TMTC1: variants seen among roughly 807,000 people sequenced by gnomAD.
TMTC1 encodes transmembrane O-mannosyltransferase targeting cadherins 1.
TMTC1 carries 73 observed loss-of-function variants against 104.8 expected under a neutral mutation model. The observed-to-expected ratio is 0.70, with a 90% confidence interval of 0.58 to 0.85. TMTC1 has a LOEUF of 0.85. TMTC1 is among the 40% of genes least tolerant of loss of function. The pLI is 0.00. For synonymous variants in TMTC1, 434 were observed against 428.7 expected, an observed-to-expected ratio of 1.01 and a Z score of -0.15; for missense variants, 1,035 against 1,096.1, an observed-to-expected ratio of 0.94 and a Z score of 0.79.
At chr12:29,772,225 T>C (rs913729589) in intron 1 of TMTC1, among the ~76,000 whole-genome samples, 1 of 152,158 alleles carries the variant, frequency 6.6e-6, no homozygotes, top group Non-Finnish European at 1.5e-5. Context: ...ACCTGACAAC[T>C]CTGGGCCTAC....
chr12:29,725,962 A>G (rs1942377799), intron 5 of TMTC1, among the ~76,000 whole-genome samples: 1 of 152,232 alleles, frequency 6.6e-6, no homozygotes, highest in Non-Finnish European at 1.5e-5. Flanking sequence ...TGCTGGAAGG[A>G]GAAGAATTCC....
intron 6 of TMTC1, among the ~76,000 whole-genome samples, chr12:29,606,203 T>A (rs1486443957): frequency 6.6e-6 from 1 of 152,192 alleles, no homozygotes; most frequent in Non-Finnish European, 1.5e-5. Context: ...GGTAGAATGA[T>A]TTTCCTTTGG....
chr12:29,564,609 G>A (rs187735117), intron 9 of TMTC1, among the ~76,000 whole-genome samples: 73 of 152,308 alleles, frequency 4.8e-4, no homozygotes, highest in Non-Finnish European at 6.5e-4. Context: ...GGTGACTTGG[G>A]GAGAGCAGTT....
At chr12:29,574,722 C>G (rs193084853) in intron 8 of TMTC1, among the ~76,000 whole-genome samples, 1 of 152,222 alleles carries the variant, frequency 6.6e-6, no homozygotes, top group Non-Finnish European at 1.5e-5. Context: ...ACGGGCACCA[C>G]CCCTACTGGA....
chr12:29,667,467 C>T (rs2033028), intron 5 of TMTC1, among the ~76,000 whole-genome samples: 84,633 of 151,984 alleles, frequency 0.56, 23,780 homozygotes, highest in African/African-American at 0.64. Context: ...ATATATTAAA[C>T]GGTGAAAATG....
intron 11 of TMTC1, among the ~76,000 whole-genome samples, chr12:29,530,860 T>A (rs1425681393): frequency 6.6e-6 from 1 of 152,176 alleles, no homozygotes; most frequent in Non-Finnish European, 1.5e-5. Context: ...CCTTAGAGGG[T>A]CTATTCCTTC....
intron 5 of TMTC1, among the ~76,000 whole-genome samples, chr12:29,750,943 C>T (rs1013556535): frequency 6.6e-6 from 1 of 152,236 alleles, no homozygotes; most frequent in Non-Finnish European, 1.5e-5. Flanking sequence ...TAAAAGCTTC[C>T]CCACACCCTG....
chr12:29,517,389 C>T (rs904547054), intron 14 of TMTC1, 38 bp downstream of exon 14: 21 of 1,612,428 alleles, frequency 1.3e-5, no homozygotes, highest in Middle Eastern at 1.7e-4. Context: ...GCTGCCTGTG[C>T]TTAGGTTGCC....
At chr12:29,623,737 C>T (rs927809361) in intron 6 of TMTC1, among the ~76,000 whole-genome samples, 12 of 151,988 alleles carry the variant, frequency 7.9e-5, no homozygotes, top group Admixed American at 3.3e-4. Context: ...CGCTTGAACC[C>T]GGGAGACGGA....
chr12:29,524,736 T>C (rs949868502), intron 11 of TMTC1, among the ~76,000 whole-genome samples: 16 of 152,224 alleles, frequency 1.1e-4, no homozygotes, highest in Admixed American at 5.9e-4. Context: ...TGACTGATTA[T>C]GGAAGAATAA....
intron 6 of TMTC1, among the ~76,000 whole-genome samples, chr12:29,616,669 CAAAAA>C (rs71045821): frequency 1.3e-5 from 1 of 79,814 alleles, no homozygotes; most frequent in Non-Finnish European, 2.4e-5. Flanking sequence ...AACTTGGTCT[CAAAAA>C]AAAAAAAAAA....
chr12:29,625,711 G>A (rs1274928018), intron 6 of TMTC1, among the ~76,000 whole-genome samples: 1 of 152,206 alleles, frequency 6.6e-6, no homozygotes, highest in African/African-American at 2.4e-5. Flanking sequence ...ACACTCTGGG[G>A]AGGGCCAAGA....
At chr12:29,559,416 C>G (rs1349693371) in intron 9 of TMTC1, among the ~76,000 whole-genome samples, 2 of 152,236 alleles carry the variant, frequency 1.3e-5, no homozygotes, top group Non-Finnish European at 2.9e-5. Flanking sequence ...TCAAAGGTCA[C>G]TGACTACAGA....
At chr12:29,561,186 A>C (rs1033527937) in intron 9 of TMTC1, among the ~76,000 whole-genome samples, 32 of 146,412 alleles carry the variant, frequency 2.2e-4, no homozygotes, top group African/African-American at 8.6e-4. Flanking sequence ...CCATCTTTTA[A>C]AGAAAAAAAA....
chr12:29,639,514 T>C (rs1031650949), intron 5 of TMTC1, among the ~76,000 whole-genome samples: 5 of 152,328 alleles, frequency 3.3e-5, no homozygotes, highest in African/African-American at 1.2e-4. Flanking sequence ...GATGAGCAAT[T>C]AGAACTTTGA....
At chr12:29,600,259 G>A (rs1175152793) in intron 7 of TMTC1, among the ~76,000 whole-genome samples, 1 of 152,006 alleles carries the variant, frequency 6.6e-6, no homozygotes, top group Non-Finnish European at 1.5e-5. Context: ...CGTGGCTCTG[G>A]GGAAGATTTC....
intron 7 of TMTC1, among the ~76,000 whole-genome samples, chr12:29,590,726 A>C (rs1271692235): frequency 6.6e-6 from 1 of 152,202 alleles, no homozygotes; most frequent in Non-Finnish European, 1.5e-5. Context: ...CAGAGGTTAC[A>C]GTGAGCTGAG....
At chr12:29,508,359 C>G (rs1277616568) in intron 17 of TMTC1, among the ~76,000 whole-genome samples, 3 of 152,110 alleles carry the variant, frequency 2.0e-5, no homozygotes, top group African/African-American at 7.2e-5. Context: ...TTTTATTAGC[C>G]TTAGCACTTA....
intron 6 of TMTC1, among the ~76,000 whole-genome samples, chr12:29,605,316 A>G (rs867742537): frequency 1.3e-5 from 2 of 152,170 alleles, no homozygotes; most frequent in African/African-American, 4.8e-5. Flanking sequence ...TATACAAAGT[A>G]TAACGATTTT....
Sources: gnomAD v4.1 joint callset for allele counts (sites outside exome capture counted in the v4.1 genomes callset) on GRCh38, gnomAD v4.1.1 for gene constraint, MANE v1.5 for transcripts, NCBI Gene and HGNC (gene_info 2026-07-23, HGNC 2026-07-21) for gene names.